PNPLA6: variants seen among roughly 807,000 people sequenced by gnomAD.
PNPLA6 encodes the protein patatin-like phospholipase domain-containing protein 6.
In PNPLA6, 105 loss-of-function variants were observed where a neutral mutation model predicts 153.7. That is an observed-to-expected ratio of 0.68 (90% CI 0.58 to 0.80). The LOEUF is 0.80. Ranked by LOEUF, PNPLA6 falls within the 30% of genes least tolerant of loss-of-function variation. The pLI, the probability that PNPLA6 is intolerant of heterozygous loss-of-function variation, is 0.00. For synonymous variants in PNPLA6, 825 were observed against 822.2 expected (o/e 1.00, Z -0.06); for missense variants, 1,423 against 1,919.3 (o/e 0.74, Z 4.83).
Position 7,557,048 on chromosome 19 carries a change from G to A in PNPLA6, c.3281-120G>A, listed in dbSNP as rs113848960. The A allele has an allele frequency of 1.2e-3, 965 of 835,230 alleles. 6 individuals are homozygous for A. In the African/African-American group the frequency reaches 0.013, roughly 12 times the overall value. 51.7% of individuals were successfully genotyped at this position (835,230 alleles called of 1,614,324 possible). A position where few individuals can be genotyped will look rare whatever the true frequency, so the allele number is the denominator to read the frequency against. ...TGTGCGACCCCAAGGACGGGCACCT[G>A]CTGGTGGACGGGTGCTACGTTAACA... On this transcript the variant is annotated intron_variant, in intron 26 of 31. Coordinates refer to ENST00000600737, the MANE Select transcript of PNPLA6 (RefSeq NM_001166114.2).
rs997735081 is a variant in PNPLA6, at chr19:7,536,554, T to A, written c.413+8T>A. ...GCTCAACATTGCCAAGAAGTAAGGC[T>A]GTGCTGGGTGTGACCTGGTATTAGG... On this transcript the variant is annotated splice_region_variant and intron_variant, in intron 3 of 31. Transcript: ENST00000600737. The A allele has an allele frequency of 3.2e-6, 5 of 1,575,956 alleles. No homozygotes were observed. Among genetic ancestry groups the A allele is most frequent in the Middle Eastern group, 1.7e-4 (1 of 6,008 alleles).
chr19:7,546,065 T>C (rs1209250336), intron 13 of PNPLA6, among the ~76,000 whole-genome samples: 2 of 152,070 alleles, frequency 1.3e-5, no homozygotes, highest in Non-Finnish European at 2.9e-5. Context: ...ATCTTGGCAC[T>C]ACAAAGTCTG....
In PNPLA6 at chr19:7,553,863, G is replaced by T. The variant is rs1484019891; in HGVS notation, c.2261-12G>T. On this transcript the variant is annotated splice_polypyrimidine_tract_variant and intron_variant, in intron 18 of 31. Coordinates refer to ENST00000600737, the MANE Select transcript of PNPLA6 (RefSeq NM_001166114.2). ...TTCGCACCACAAATCTCATCCATTG[G>T]GTTCTTAGCAGGCTCTGGGTTGGGT... is the stretch of plus-strand genomic sequence containing the variant. 4 of 1,614,240 alleles carry T rather than the reference G, an allele frequency of 2.5e-6. No homozygotes were observed. Among genetic ancestry groups the T allele is most frequent in the East Asian group, 4.5e-5 (2 of 44,892 alleles).
Position 7,558,928 on chromosome 19 carries a change from C to T in PNPLA6, c.3476C>T (p.Thr1159Ile), listed in dbSNP as rs1599313226. ...AGCCAGGATGAGACGGACCTCAGCACCTACGGGGACAGCCTGTCCGGCTGG... is the reference window on the plus strand; with the variant it reads ...AGCCAGGATGAGACGGACCTCAGCATCTACGGGGACAGCCTGTCCGGCTGG... Reference protein sequence around the residue: ...VGSQDETDLSTYGDSLSGWWL... With the variant: ...VGSQDETDLSIYGDSLSGWWL... The change falls in exon 28 of 32, where the codon ACC becomes ATC. Residue 1159 changes from threonine to isoleucine, a missense_variant. By Grantham distance (89) the Thr-to-Ile change is moderately conservative (BLOSUM62 -1). This residue lies in a region of PNPLA6 where 643 missense variants were observed against 835.2 expected (regional missense o/e 0.77). Transcript: ENST00000600737. 4 of 1,614,122 alleles carry T rather than the reference C, an allele frequency of 2.5e-6. No homozygotes were observed. In the East Asian group the frequency reaches 6.7e-5, roughly 27 times the overall value.
At position 7,550,586 on chromosome 19, in the gene PNPLA6, C is replaced by A; in HGVS notation, c.2016C>A (p.Gly672=). Residue 672 remains glycine (G), a synonymous_variant, in exon 16 of 32, where the codon GGC becomes GGA. Coordinates refer to ENST00000600737, the MANE Select transcript of PNPLA6 (RefSeq NM_001166114.2). The part of the protein sequence containing the change: ...NGRLRSVIQR[G]SGKKELVGEY... ...GGCTGCGTAGCGTGATCCAGCGAGGCAGTGGCAAGAAGGAGCTGGTGGGCG... is the reference window on the plus strand; with the variant it reads ...GGCTGCGTAGCGTGATCCAGCGAGGAAGTGGCAAGAAGGAGCTGGTGGGCG... 1 of 1,613,138 alleles carries A rather than the reference C, an allele frequency of 6.2e-7. No homozygotes were observed. The highest frequency in any genetic ancestry group is 8.5e-7 in the Non-Finnish European group (1 of 1,179,890).
At chr19:7,546,844 A>G (rs1230739540) in intron 13 of PNPLA6, among the ~76,000 whole-genome samples, 2 of 151,290 alleles carry the variant, frequency 1.3e-5, no homozygotes, top group South Asian at 2.1e-4. Flanking sequence ...GTGCTTGGAC[A>G]TATGTTTTCA....
At chr19:7,542,485 C>G in intron 10 of PNPLA6, 76 bp from the exon 11 acceptor site, 1 of 1,109,276 alleles carries the variant, frequency 9.0e-7, no homozygotes. Flanking sequence ...CAGGCCTGCA[C>G]CACTACACCT....
intron 21 of PNPLA6, 67 bp downstream of exon 21, chr19:7,554,790 C>A: frequency 6.3e-7 from 1 of 1,593,856 alleles, no homozygotes; most frequent in African/African-American, 1.3e-5. Flanking sequence ...CGTGCCTGCA[C>A]CAGGCCACGT....
At chr19:7,547,811 A>ATTTTTTTTT (rs71286227) in intron 13 of PNPLA6, among the ~76,000 whole-genome samples, 4 of 114,502 alleles carry the variant, frequency 3.5e-5, no homozygotes, top group Non-Finnish European at 6.9e-5. Flanking sequence ...CTAATTAAAA[A>ATTTTTTTTT]TTTTTTTTTT....
At chr19:7,535,331 C>T (rs957181331), upstream of PNPLA6, 3 of 629,290 alleles carry the variant, frequency 4.8e-6, no homozygotes, top group African/African-American at 5.4e-5. The surrounding 1 kb of genome is among the most constrained non-coding windows in gnomAD (Gnocchi z 5.0). Flanking sequence ...GCCGAGAGGT[C>T]GGTTTGCTCC....
intron 13 of PNPLA6, among the ~76,000 whole-genome samples, chr19:7,545,594 A>G (rs963754578): frequency 6.6e-6 from 1 of 152,086 alleles, no homozygotes; most frequent in African/African-American, 2.4e-5. Flanking sequence ...CCCATCTCGA[A>G]CTGTGTGCTG....
At chr19:7,549,004 G>A (rs1428740425) in intron 13 of PNPLA6, among the ~76,000 whole-genome samples, 1 of 151,018 alleles carries the variant, frequency 6.6e-6, no homozygotes, top group Non-Finnish European at 1.5e-5. Flanking sequence ...TGGTTTCACC[G>A]TGTTAGCCAG....
At chr19:7,539,376 G>A (rs749510512) in intron 3 of PNPLA6, among the ~76,000 whole-genome samples, 2 of 151,950 alleles carry the variant, frequency 1.3e-5, no homozygotes, top group African/African-American at 4.8e-5. Flanking sequence ...CTACTTGGGA[G>A]GCCGAGGCAG....
At chr19:7,556,615 G>GC in intron 25 of PNPLA6, 40 bp from the exon 26 acceptor site, 1 of 1,592,748 alleles carries the variant, frequency 6.3e-7, no homozygotes, top group Non-Finnish European at 8.6e-7. Flanking sequence ...CCCCGGAGGA[G>GC]CCCCCTGCTC....
intron 3 of PNPLA6, 93 bp downstream of exon 3, chr19:7,536,639 C>T: frequency 3.4e-6 from 3 of 870,784 alleles, no homozygotes; most frequent in South Asian, 1.4e-5. Flanking sequence ...GAAGTCTTCC[C>T]ATATTGGCTG....
At chr19:7,552,773 G>GAAAAAAAAAAAAAAAAAAAAGAAA (rs10714939) in intron 18 of PNPLA6, among the ~76,000 whole-genome samples, 1 of 123,174 alleles carries the variant, frequency 8.1e-6, no homozygotes, top group Non-Finnish European at 1.7e-5. Context: ...AAAAAAGAAA[G>GAAAAAAAAAAAAAAAAAAAAGAAA]AAAAAAAAAA....
intron 18 of PNPLA6, among the ~76,000 whole-genome samples, chr19:7,552,438 G>T (rs375785576): frequency 6.6e-6 from 1 of 152,212 alleles, no homozygotes; most frequent in African/African-American, 2.4e-5. Context: ...GGGCAGGGCG[G>T]TAGTGGCAGA....
In PNPLA6 at chr19:7,542,785, C is replaced by T; in HGVS notation, c.1387C>T (p.Gln463Ter). ...GACCCCCACTCAGGAGCCTCGTGAG[C>T]AGCCGGCAGGCGCCTGTGAATACAG... ...ARTPTQEPRE[Q>*]PAGACEYSYC... Residue 463 changes from glutamine (Q) to a stop codon, truncating the protein, a stop_gained, in exon 12 of 32, where the codon CAG becomes TAG. Coordinates refer to ENST00000600737, the MANE Select transcript of PNPLA6 (RefSeq NM_001166114.2). LOFTEE classifies it high-confidence loss of function. 6.2e-7 allele frequency: 1 copy of T among 1,613,062 alleles called. No homozygotes were observed. Among genetic ancestry groups the T allele is most frequent in the Non-Finnish European group, 8.5e-7 (1 of 1,179,956 alleles).
chr19:7,551,042 C>T lies in PNPLA6; in HGVS notation c.2119C>T (p.Arg707Cys). The part of the protein sequence containing the change: ...QPRATTVHAV[R>C]DTELAKLPEG... ...GCGAGCCACGACGGTGCACGCGGTG[C>T]GCGACACGGAGCTGGCCAAGCTTCC... The change falls in exon 17 of 32, where the codon CGC becomes TGC. Residue 707 changes from arginine (R) to cysteine (C), a missense_variant. By Grantham distance (180) the Arg-to-Cys change is radical. Around this residue, in one of 10 missense-constraint regions of PNPLA6, gnomAD observed 63 missense variants for 166.2 expected, o/e 0.38. Coordinates refer to ENST00000600737, the MANE Select transcript of PNPLA6 (RefSeq NM_001166114.2). 1 of 1,549,420 alleles carries T rather than the reference C, an allele frequency of 6.5e-7. No individual in the cohort carries two copies.
Sources: allele counts gnomAD v4.1 joint callset (sites outside exome capture counted in the v4.1 genomes callset), GRCh38; gene constraint gnomAD v4.1.1; regional missense constraint gnomAD v4.1.1; non-coding constraint Gnocchi (gnomAD v3.1); transcripts MANE v1.5; gene names NCBI Gene and HGNC (gene_info 2026-07-23, HGNC 2026-07-21).